Variants in CSPP1 observed in about 807,000 individuals in gnomAD.
CSPP1 encodes centrosome and spindle pole associated protein 1.
A neutral mutation model predicts 164.4 loss-of-function variants in CSPP1; 126 were observed. The ratio of observed to expected loss-of-function variants is 0.77; its 90% CI spans 0.66 to 0.89. The LOEUF is 0.89. Among genes scored for constraint, CSPP1 ranks in the 40% least tolerant of loss-of-function variants. CSPP1 has a pLI of 0.00. For synonymous variants in CSPP1, 472 were observed against 476.7 expected (o/e 0.99, Z 0.13); for missense variants, 1,395 against 1,449.8 (o/e 0.96, Z 0.61).
At position 67,074,212 on chromosome 8, in the gene CSPP1, T is replaced by C. The variant is rs371676566; in HGVS notation, c.-10-31T>C. 2.7e-5 allele frequency: 35 copies of C among 1,275,674 alleles called. No individual in the cohort carries two copies. The African/African-American group carries it at 4.9e-4, about 18-fold the overall frequency. 79.0% of individuals were successfully genotyped at this position (1,275,674 alleles called of 1,614,324 possible). ...TAATTAGGCTAAAAATACTGTGATA[T>C]AGATACGCTCACTGAAATTTTTTTT... On this transcript the variant is annotated intron_variant, in intron 1 of 30. Transcript: ENST00000678616.
chr8:67,091,734 G>C lies in CSPP1; in HGVS notation c.304-69G>C, dbSNP rs868050091. The C allele has an allele frequency of 1.5e-5, 7 of 460,976 alleles. No homozygotes were observed. In the Middle Eastern group the frequency reaches 2.1e-3, roughly 139 times the overall value. 28.6% of individuals were successfully genotyped at this position (460,976 alleles called of 1,614,324 possible). A position where few individuals can be genotyped will look rare whatever the true frequency, so the allele number is the denominator to read the frequency against. ...ACTAGTTTAGAATATAGAATGCAAA[G>C]ACACATTTATGCAACATATTTTATA... On this transcript the variant is annotated intron_variant, in intron 4 of 30. Transcript: ENST00000678616.
intron 28 of CSPP1, among the ~76,000 whole-genome samples, chr8:67,187,011 A>G (rs141208491): frequency 1.0e-4 from 15 of 150,294 alleles, no homozygotes; most frequent in African/African-American, 3.2e-4. Context: ...CTATCTATCT[A>G]TCTAATCTAT....
chr8:67,154,602 G>A (rs918032909), intron 19 of CSPP1, among the ~76,000 whole-genome samples: 6 of 152,052 alleles, frequency 3.9e-5, no homozygotes, highest in Admixed American at 1.3e-4. Flanking sequence ...TCCTGACCTC[G>A]TGATCTGCCT....
intron 4 of CSPP1, among the ~76,000 whole-genome samples, chr8:67,090,769 A>G (rs1022833761): frequency 6.6e-6 from 1 of 152,204 alleles, no homozygotes; most frequent in African/African-American, 2.4e-5. Flanking sequence ...ACCATCTGAA[A>G]ATAGTACCTG....
chr8:67,130,804 A>T (rs1821077900), intron 15 of CSPP1, among the ~76,000 whole-genome samples: 5 of 150,998 alleles, frequency 3.3e-5, no homozygotes, highest in Admixed American at 3.3e-4. Context: ...CCTGGCCAAC[A>T]TGGTGAAACC....
chr8:67,112,335 T>G (rs1428225482), intron 10 of CSPP1, among the ~76,000 whole-genome samples: 1 of 151,918 alleles, frequency 6.6e-6, no homozygotes, highest in Non-Finnish European at 1.5e-5. Flanking sequence ...GTTTTTGATT[T>G]AAGGTAGCAT....
intron 9 of CSPP1, among the ~76,000 whole-genome samples, chr8:67,108,274 C>G (rs1245447380): frequency 6.6e-6 from 1 of 151,774 alleles, no homozygotes; most frequent in Non-Finnish European, 1.5e-5. Flanking sequence ...TGGTGGCATG[C>G]ACCTGTAGTC....
chr8:67,088,222 C>T (rs1810806499), intron 4 of CSPP1, among the ~76,000 whole-genome samples: 1 of 151,886 alleles, frequency 6.6e-6, no homozygotes. Flanking sequence ...AAGAAATTGC[C>T]GTCATGAAAG....
intron 15 of CSPP1, among the ~76,000 whole-genome samples, chr8:67,123,940 C>G (rs1464603020): frequency 6.7e-6 from 1 of 149,506 alleles, no homozygotes; most frequent in Non-Finnish European, 1.5e-5. Context: ...CTCGCTGTTG[C>G]CCAGGCTGGA....
At chr8:67,171,495 C>T (rs1830454792) in intron 24 of CSPP1, among the ~76,000 whole-genome samples, 1 of 151,934 alleles carries the variant, frequency 6.6e-6, no homozygotes. Flanking sequence ...CTCAATCAAT[C>T]CTCTCATCTC....
At position 67,129,413 on chromosome 8, in the gene CSPP1, C is replaced by T. The variant is rs1222253827; in HGVS notation, c.1698-2538C>T. On this transcript the variant is annotated intron_variant, in intron 15 of 30. Coordinates refer to ENST00000678616, the MANE Select transcript of CSPP1 (RefSeq NM_001382391.1). ...ATATTGGAATTAATATGAAAGTTTT[C>T]ACAGAATTACTGATTACAAAATCAA... 2.0e-5 allele frequency among the ~76,000 whole-genome samples: 3 copies of T among 152,042 alleles called. No individual in the cohort carries two copies. The East Asian group carries it at 5.8e-4, about 29-fold the overall frequency.
rs1828924996 is a variant in CSPP1 at position 67,164,407 on chromosome 8, A to C, written c.2727A>C (p.Val909=). ...AATTTGCAGAGGAGAAAAAAAATGT[A>C]ATTATGGAATTATCAGAAATGAGAA... ...QLRAEEEKKN[V]IMELSEMRKQ... The change falls in exon 24 of 31, where the codon GTA becomes GTC. Residue 909 remains valine, a synonymous_variant. Transcript: ENST00000678616. 1 of 1,575,254 alleles carries C rather than the reference A, an allele frequency of 6.3e-7. No individual in the cohort carries two copies. Among genetic ancestry groups the C allele is most frequent in the Admixed American group, 1.7e-5 (1 of 59,524 alleles).
At chr8:67,085,906 T>G (rs533791956) in intron 3 of CSPP1, 101 bp from the exon 4 acceptor site, 1 of 658,946 alleles carries the variant, frequency 1.5e-6, no homozygotes, top group South Asian at 1.8e-5. Flanking sequence ...ACTCTTGGAA[T>G]AAGCATAATT....
At chr8:67,099,612 C>T (rs759221931) in intron 7 of CSPP1, among the ~76,000 whole-genome samples, 7 of 151,998 alleles carry the variant, frequency 4.6e-5, no homozygotes, top group Non-Finnish European at 7.4e-5. Context: ...GAGATGTAGC[C>T]GTGGTAAAAC....
At chr8:67,090,761 C>CCCTACAA (rs1811451308) in intron 4 of CSPP1, among the ~76,000 whole-genome samples, 1 of 152,282 alleles carries the variant, frequency 6.6e-6, no homozygotes, top group East Asian at 1.9e-4. Context: ...GTATCCCTAC[C>CCCTACAA]ATCTGAAAAT....
chr8:67,139,191 C>A (rs1277595240), intron 17 of CSPP1, among the ~76,000 whole-genome samples: 2 of 152,136 alleles, frequency 1.3e-5, no homozygotes, highest in African/African-American at 4.8e-5. Context: ...AGGATATGAA[C>A]AGACACTTCT....
intron 7 of CSPP1, among the ~76,000 whole-genome samples, chr8:67,097,872 G>C (rs1390469182): frequency 2.6e-5 from 4 of 151,794 alleles, no homozygotes; most frequent in Non-Finnish European, 5.9e-5. Flanking sequence ...ACATGAGGTT[G>C]AGTGAGAATA....
intron 28 of CSPP1, among the ~76,000 whole-genome samples, chr8:67,188,271 A>C (rs1835233957): frequency 6.6e-6 from 1 of 152,248 alleles, no homozygotes; most frequent in African/African-American, 2.4e-5. Flanking sequence ...AAAGGATGCT[A>C]CTGAGAGACA....
chr8:67,169,042 G>C (rs1246053348), intron 24 of CSPP1, among the ~76,000 whole-genome samples: 2 of 152,080 alleles, frequency 1.3e-5, no homozygotes, highest in Non-Finnish European at 2.9e-5. Flanking sequence ...ATTAGAGCAG[G>C]GGCATTGTCT....
Sources: allele counts gnomAD v4.1 joint callset (sites outside exome capture counted in the v4.1 genomes callset), GRCh38; gene constraint gnomAD v4.1.1; transcripts MANE v1.5; gene names NCBI Gene and HGNC (gene_info 2026-07-23, HGNC 2026-07-21).